Variants in DYTN observed in about 807,000 individuals in gnomAD.
DYTN encodes dystrotelin.
DYTN carries 75 observed loss-of-function variants against 69.6 expected under a neutral mutation model. That is an observed-to-expected ratio of 1.08 (90% CI 0.89 to 1.31). The LOEUF (loss-of-function observed/expected upper bound fraction) is 1.31, where lower values mean the gene tolerates loss of function less well. Ranked by LOEUF, DYTN falls within the 50% of genes most tolerant of loss-of-function variation. The pLI, the probability that DYTN is intolerant of heterozygous loss-of-function variation, is 0.00. For missense variants in DYTN, 726 were observed against 688.4 expected (o/e 1.05, Z -0.61); for synonymous variants, 252 against 249.1 (o/e 1.01, Z -0.11).
In DYTN at chr2:206,659,837, A is replaced by G. The variant is rs1699493353; in HGVS notation, c.1633+3066T>C. ...GGTGAGGAGTGATATATAATGCAAAACGGTAGCCATGAAGATTAATATAGT... is the reference window on the plus strand; with the variant it reads ...GGTGAGGAGTGATATATAATGCAAAGCGGTAGCCATGAAGATTAATATAGT... On this transcript the variant is annotated intron_variant, in intron 11 of 11. Coordinates refer to ENST00000452335, the MANE Select transcript of DYTN (RefSeq NM_001093730.1). Among the ~76,000 whole-genome samples the G allele has an allele frequency of 2.0e-5, 3 of 152,282 alleles. No homozygotes were observed. The South Asian group carries it at 6.2e-4, about 32-fold the overall frequency.
chr2:206,666,860 T>TAC (rs35200393), intron 9 of DYTN, among the ~76,000 whole-genome samples: 3,075 of 137,528 alleles, frequency 0.022, 34 homozygotes, highest in Middle Eastern at 0.032. Flanking sequence ...ACCTCATCTC[T>TAC]ACACACACAC....
intron 7 of DYTN, 138 bp from the exon 8 acceptor site, chr2:206,695,015 C>A: frequency 1.8e-6 from 1 of 568,484 alleles, no homozygotes; most frequent in Non-Finnish European, 3.0e-6. Flanking sequence ...AAAGTTTCTC[C>A]CAAACTATAG....
intron 9 of DYTN, among the ~76,000 whole-genome samples, chr2:206,679,530 T>C (rs1285825038): frequency 1.3e-5 from 2 of 152,336 alleles, no homozygotes; most frequent in South Asian, 2.1e-4. Context: ...TGAAAGAACA[T>C]ATAATATATC....
intron 11 of DYTN, among the ~76,000 whole-genome samples, chr2:206,661,774 T>G (rs2105887784): frequency 6.6e-6 from 1 of 152,292 alleles, no homozygotes; most frequent in African/African-American, 2.4e-5. Flanking sequence ...TTAATAAAGT[T>G]TTGGGGAGTA....
At chr2:206,660,930 A>T (rs552202295) in intron 11 of DYTN, among the ~76,000 whole-genome samples, 8 of 152,090 alleles carry the variant, frequency 5.3e-5, no homozygotes, top group Non-Finnish European at 1.2e-4. Flanking sequence ...AAATTTATAT[A>T]TTGAAGGCCT....
chr2:206,710,691 AC>A, intron 1 of DYTN, 93 bp from the exon 2 acceptor site: 1 of 1,030,200 alleles, frequency 9.7e-7, no homozygotes, highest in Non-Finnish European at 1.4e-6. Context: ...ATGTAAGCTT[AC>A]TTTATTTTGC....
At chr2:206,652,277 A>G (rs978141784) in intron 11 of DYTN, among the ~76,000 whole-genome samples, 3 of 152,194 alleles carry the variant, frequency 2.0e-5, no homozygotes, top group East Asian at 3.8e-4. Context: ...GATTCTGTTC[A>G]GGTGGGACGG....
At chr2:206,655,423 T>C (rs910519839) in intron 11 of DYTN, among the ~76,000 whole-genome samples, 6 of 151,940 alleles carry the variant, frequency 3.9e-5, no homozygotes, top group Non-Finnish European at 7.4e-5. Flanking sequence ...ATTTTCTTTT[T>C]CTTTGAGATA....
At chr2:206,707,599 T>C in intron 2 of DYTN, 96 bp from the exon 3 acceptor site, 1 of 1,236,010 alleles carries the variant, frequency 8.1e-7, no homozygotes, top group Non-Finnish European at 1.1e-6. Context: ...TAATTAAGAC[T>C]TTTTATGGTC....
rs376587365 is a variant in DYTN at position 206,704,889 on chromosome 2, C to A, written c.437G>T (p.Arg146Leu). Residue 146 changes from arginine to leucine, a missense_variant, in exon 5 of 12, where the codon CGC becomes CTC. Arg to Leu is a moderately radical substitution (Grantham distance 102). Coordinates refer to ENST00000452335, the MANE Select transcript of DYTN (RefSeq NM_001093730.1). ...NSRGGYDSGP[R>L]MTRRVLRKLL... ...TTTTCTCAAAACCCTTCGAGTCATG[C>A]GTGGCCCAGAATCATAGCCTCCCCT... is the stretch of plus-strand genomic sequence containing the variant. 3.0e-5 allele frequency: 49 copies of A among 1,613,662 alleles called. No individual in the cohort carries two copies. The highest frequency in any genetic ancestry group is 3.8e-5 in the Non-Finnish European group (45 of 1,179,806).
intron 8 of DYTN, among the ~76,000 whole-genome samples, 179 bp downstream of exon 8, chr2:206,694,587 A>T (rs1465014620): frequency 3.3e-5 from 5 of 152,220 alleles, no homozygotes; most frequent in Non-Finnish European, 5.9e-5. Flanking sequence ...TACAATGTGA[A>T]GAAATCATAC....
intron 2 of DYTN, among the ~76,000 whole-genome samples, chr2:206,707,991 T>C (rs1000743782): frequency 3.3e-5 from 5 of 152,176 alleles, no homozygotes; most frequent in Non-Finnish European, 7.4e-5. Context: ...CGTAGTTAAA[T>C]ACAAAACAGT....
At chr2:206,653,042 G>GT (rs1224706199) in intron 11 of DYTN, among the ~76,000 whole-genome samples, 2 of 152,146 alleles carry the variant, frequency 1.3e-5, no homozygotes, top group African/African-American at 2.4e-5. Context: ...CATCTGTGCT[G>GT]TTTTTTGTTG....
intron 11 of DYTN, 81 bp from the exon 12 acceptor site, chr2:206,652,002 G>T: frequency 7.7e-7 from 1 of 1,293,332 alleles, no homozygotes; most frequent in Non-Finnish European, 1.1e-6. Context: ...CTCTCACATG[G>T]AGAAGAAACA....
intron 9 of DYTN, among the ~76,000 whole-genome samples, chr2:206,681,249 C>T (rs1230162886): frequency 6.6e-6 from 1 of 152,284 alleles, no homozygotes; most frequent in East Asian, 1.9e-4. Flanking sequence ...GCTGAGGTTG[C>T]TTATCAGCTT....
rs531021062 is a variant in DYTN at position 206,707,444 on chromosome 2, C to G, written c.154G>C (p.Ala52Pro). 50 of 1,612,912 alleles carry G rather than the reference C, an allele frequency of 3.1e-5. No homozygotes were observed. In the South Asian group the frequency reaches 5.2e-4, roughly 17 times the overall value. The change falls in exon 3 of 12, where the codon GCT (alanine) becomes CCT (proline). Residue 52 changes from alanine (A) to proline (P), a missense_variant. By Grantham distance (27) the Ala-to-Pro change is conservative. Coordinates refer to ENST00000452335, the MANE Select transcript of DYTN (RefSeq NM_001093730.1). The stretch of plus-strand genomic sequence containing the variant: ...TGCACAGAAAGGGAGTGCTTGCGAG[C>G]TTCCCAGAAACTTGGACGCAGTAGG... ...QVLLRPSFWEARKHSLSVQQL... is the reference protein window; with the variant it reads ...QVLLRPSFWEPRKHSLSVQQL...
intron 9 of DYTN, among the ~76,000 whole-genome samples, chr2:206,676,396 G>C (rs940513393): frequency 2.0e-5 from 3 of 152,066 alleles, no homozygotes; most frequent in Non-Finnish European, 2.9e-5. Flanking sequence ...CATGGACACA[G>C]GGAGGAGAAC....
intron 9 of DYTN, among the ~76,000 whole-genome samples, chr2:206,676,653 G>T (rs1463618641): frequency 4.6e-5 from 7 of 152,292 alleles, no homozygotes; most frequent in Non-Finnish European, 8.8e-5. Context: ...AATGGTTAAT[G>T]GGTATAAAGT....
At chr2:206,658,316 A>G (rs1699471572) in intron 11 of DYTN, among the ~76,000 whole-genome samples, 1 of 152,124 alleles carries the variant, frequency 6.6e-6, no homozygotes, top group African/African-American at 2.4e-5. Flanking sequence ...TAATTCAAAT[A>G]TTACTATTTC....
Sources: allele counts gnomAD v4.1 joint callset (sites outside exome capture counted in the v4.1 genomes callset), GRCh38; gene constraint gnomAD v4.1.1; transcripts MANE v1.5; gene names NCBI Gene and HGNC (gene_info 2026-07-23, HGNC 2026-07-21).